UNC13B: variants seen among roughly 807,000 people sequenced by gnomAD.
The protein encoded by UNC13B is protein unc-13 homolog B.
UNC13B carries 144 observed loss-of-function variants against 211.0 expected under a neutral mutation model. The ratio of observed to expected loss-of-function variants is 0.68; its 90% confidence interval spans 0.60 to 0.78. The LOEUF is 0.78. UNC13B is among the 30% of genes least tolerant of loss of function. UNC13B has a pLI of 0.00. For missense variants in UNC13B, 1,777 were observed against 2,002.0 expected, an observed-to-expected ratio of 0.89 and a Z score of 2.14; for synonymous variants, 709 against 725.8, an observed-to-expected ratio of 0.98 and a Z score of 0.37.
intron 6 of UNC13B, among the ~76,000 whole-genome samples, chr9:35,252,100 C>A (rs751351312): frequency 2.1e-4 from 32 of 152,090 alleles, no homozygotes; most frequent in Non-Finnish European, 2.2e-4. Flanking sequence ...TTACCATGTT[C>A]CTTTATCTCT....
At chr9:35,298,430 A>G (rs151131611) in intron 8 of UNC13B, among the ~76,000 whole-genome samples, 76 of 152,308 alleles carry the variant, frequency 5.0e-4, no homozygotes, top group African/African-American at 1.8e-3. Context: ...CAGTCAATCA[A>G]TACAAAATTC....
At chr9:35,312,425 T>G (rs1830223692) in intron 10 of UNC13B, among the ~76,000 whole-genome samples, 1 of 152,188 alleles carries the variant, frequency 6.6e-6, no homozygotes, top group Non-Finnish European at 1.5e-5. Flanking sequence ...TCTTATTGGG[T>G]TGATGACTCA....
At chr9:35,191,882 T>G (rs907660835) in intron 1 of UNC13B, among the ~76,000 whole-genome samples, 17 of 152,206 alleles carry the variant, frequency 1.1e-4, no homozygotes, top group Admixed American at 7.9e-4. Flanking sequence ...CATCTTAACC[T>G]AAGGTACCCT....
At chr9:35,390,844 G>A in intron 26 of UNC13B, 130 bp downstream of exon 26, 1 of 949,470 alleles carries the variant, frequency 1.1e-6, no homozygotes, top group Non-Finnish European at 1.5e-6. Context: ...GGAATTCTAG[G>A]CCTAGTGGGA....
intron 19 of UNC13B, 42 bp downstream of exon 19, chr9:35,381,257 T>G (rs755561311): frequency 6.4e-7 from 1 of 1,554,418 alleles, no homozygotes; most frequent in Non-Finnish European, 8.8e-7. Flanking sequence ...AAAGCAGTGC[T>G]GGGAGAGGCC....
intron 6 of UNC13B, among the ~76,000 whole-genome samples, chr9:35,257,379 T>G (rs1436721101): frequency 7.0e-6 from 1 of 142,458 alleles, no homozygotes; most frequent in African/African-American, 2.6e-5. Context: ...ATAAAATATT[T>G]ATATAAATAT....
In UNC13B at chr9:35,193,188, C is replaced by T. The variant is rs1213675421; in HGVS notation, c.22+30883C>T. 2.6e-5 allele frequency among the ~76,000 whole-genome samples: 4 copies of T among 152,170 alleles called. No homozygotes were observed. In the East Asian group the frequency reaches 5.8e-4, roughly 22 times the overall value. On this transcript the variant is annotated intron_variant, in intron 1 of 39. Transcript: ENST00000635942. ...GACAGTTGCATTTGGGCAATTGTTG[C>T]ACTTCCCTCCTTAATGGAGGAAGTG...
In UNC13B at chr9:35,385,754, C is replaced by T. The variant is rs201421861; in HGVS notation, c.10906C>T (p.Leu3636Phe). The change falls in exon 23 of 40, where the codon CTT (leucine) becomes TTT (phenylalanine). Residue 3636 changes from leucine (L) to phenylalanine (F), a missense_variant. Coordinates refer to ENST00000635942, the MANE Select transcript of UNC13B (RefSeq NM_001371189.2). ...NNFPAGSPER[L>F]QDLKSTVDLL... ...TTTCCCTGCTGGGAGTCCTGAACGG[C>T]TTCAGGACTTAAAATCCACAGTGGA... 1.2e-5 allele frequency: 20 copies of T among 1,609,916 alleles called. No homozygotes were observed. Among genetic ancestry groups the T allele is most frequent in the Non-Finnish European group, 1.6e-5 (19 of 1,176,468 alleles).
At chr9:35,165,702 C>A (rs1261053969) in intron 1 of UNC13B, among the ~76,000 whole-genome samples, 1 of 152,162 alleles carries the variant, frequency 6.6e-6, no homozygotes, top group Non-Finnish European at 1.5e-5. Context: ...CAGGCGTGAG[C>A]CACTGCGCCC....
chr9:35,379,045 A>G (rs953272627), intron 17 of UNC13B, among the ~76,000 whole-genome samples: 1 of 152,214 alleles, frequency 6.6e-6, no homozygotes. Context: ...CTGAGAATCC[A>G]CATGCTTTGT....
Position 35,302,049 on chromosome 9 carries a change from G to A in UNC13B, c.2645G>A (p.Gly882Glu), listed in dbSNP as rs973973357. The part of the protein sequence containing the change: ...SEKQQELKEK[G>E]SIFPLFKFSF... The stretch of plus-strand genomic sequence containing the variant: ...AAGCAACAGGAGTTAAAAGAGAAAG[G>A]AAGCATTTTTCCTTTGTTTAAATTT... The change falls in exon 9 of 40, where the codon GGA becomes GAA. Residue 882 changes from glycine (G) to glutamate (E), a missense_variant. Gly to Glu is a moderately conservative substitution (Grantham distance 98). Transcript: ENST00000635942. 41 of 398,590 alleles carry A rather than the reference G, an allele frequency of 1.0e-4. No homozygotes were observed. The Middle Eastern group carries it at 1.9e-3, about 18-fold the overall frequency. The allele number at this position is 398,590 out of a possible 1,614,324, so 24.7% of individuals were successfully genotyped here. A position where few individuals can be genotyped will look rare whatever the true frequency, so the allele number is the denominator to read the frequency against.
At chr9:35,229,711 G>C (rs574660682) in intron 2 of UNC13B, among the ~76,000 whole-genome samples, 1 of 152,118 alleles carries the variant, frequency 6.6e-6, no homozygotes, top group East Asian at 1.9e-4. Context: ...ACTGGATATG[G>C]ATGGAGATTC....
At chr9:35,375,909 G>A (rs1227150966) in intron 14 of UNC13B, 119 bp from the exon 15 acceptor site, 5 of 937,574 alleles carry the variant, frequency 5.3e-6, no homozygotes, top group African/African-American at 3.2e-5. Flanking sequence ...GAACCTGGGA[G>A]GTGGAGGTTG....
chr9:35,320,086 T>C (rs1408868573), intron 11 of UNC13B, among the ~76,000 whole-genome samples: 1 of 152,364 alleles, frequency 6.6e-6, no homozygotes, highest in East Asian at 1.9e-4. Context: ...TTTTTATGGC[T>C]GCATAGTATT....
intron 1 of UNC13B, among the ~76,000 whole-genome samples, chr9:35,183,353 G>GAT (rs2131308590): frequency 7.2e-6 from 1 of 139,358 alleles, no homozygotes; most frequent in African/African-American, 2.7e-5. Flanking sequence ...CCTCCCAGGC[G>GAT]GGGCGGCCGG....
At position 35,307,652 on chromosome 9, in the gene UNC13B, C is replaced by G; in HGVS notation, c.8248C>G (p.Pro2750Ala). 2.5e-6 allele frequency: 1 copy of G among 399,042 alleles called. No individual in the cohort carries two copies. The allele number at this position is 399,042 out of a possible 1,614,324, so 24.7% of individuals were successfully genotyped here. Residue 2750 changes from proline to alanine, a missense_variant, in exon 9 of 40, where the codon CCT (proline) becomes GCT (alanine). Transcript: ENST00000635942. ...GATAATTCATGCCCAGAAAGATCCA[C>G]CTGTAGTACCCCAGGAAACAGAGCA... ...CEIIHAQKDP[P>A]VVPQETEQSR...
intron 11 of UNC13B, among the ~76,000 whole-genome samples, chr9:35,323,365 C>A (rs932644073): frequency 5.9e-5 from 9 of 152,096 alleles, no homozygotes; most frequent in Non-Finnish European, 1.2e-4. Context: ...ATATACTCTG[C>A]CCCCATTGAT....
rs192627611 is a variant in UNC13B, at chr9:35,330,836, G to C, written c.9414+16847G>C. Among the ~76,000 whole-genome samples the C allele has an allele frequency of 5.3e-4, 81 of 152,220 alleles. 1 individual carries two copies. The highest frequency in any genetic ancestry group is 2.2e-4 in the Non-Finnish European group (15 of 68,012). On this transcript the variant is annotated intron_variant, in intron 11 of 39. Transcript: ENST00000635942. ...TTTGGGGCAGTGGATCATTTGGAAG[G>C]GTGGATTTGGCTCTGGTTTCCAAGG...
intron 9 of UNC13B, 138 bp from the exon 10 acceptor site, chr9:35,310,329 G>A: frequency 1.1e-6 from 1 of 877,798 alleles, no homozygotes; most frequent in East Asian, 2.6e-5. Flanking sequence ...AGATTATGAA[G>A]TTTGGTCCTC....
Sources: gnomAD v4.1 joint callset for allele counts (sites outside exome capture counted in the v4.1 genomes callset) on GRCh38, gnomAD v4.1.1 for gene constraint, MANE v1.5 for transcripts, NCBI Gene and HGNC (gene_info 2026-07-23, HGNC 2026-07-21) for gene names.